Variants in SYNDIG1 observed in about 807,000 individuals in gnomAD.
SYNDIG1 encodes synapse differentiation inducing 1.
A neutral mutation model predicts 19.4 loss-of-function variants in SYNDIG1; 9 were observed. That is an observed-to-expected ratio of 0.46 (90% confidence interval 0.28 to 0.81). SYNDIG1 has a LOEUF of 0.81. Among genes scored for constraint, SYNDIG1 ranks in the 30% least tolerant of loss-of-function variants. The pLI is 0.12. For missense variants in SYNDIG1, 311 were observed against 343.3 expected, an observed-to-expected ratio of 0.91 and a Z score of 0.74; for synonymous variants, 141 against 145.9, an observed-to-expected ratio of 0.97 and a Z score of 0.24.
At chr20:24,542,939 T>A in intron 1 of SYNDIG1, 81 bp from the exon 2 acceptor site, 2 of 1,099,998 alleles carry the variant, frequency 1.8e-6, no homozygotes, top group South Asian at 3.1e-5. Context: ...GCTGGTACAG[T>A]CTGAAACAAT....
At chr20:24,656,488 C>T (rs2057001080) in intron 3 of SYNDIG1, among the ~76,000 whole-genome samples, 1 of 152,198 alleles carries the variant, frequency 6.6e-6, no homozygotes, top group African/African-American at 2.4e-5. Context: ...TGAGGAGGGC[C>T]AGGAGGCGTT....
intron 3 of SYNDIG1, among the ~76,000 whole-genome samples, chr20:24,588,746 C>A (rs2058458762): frequency 6.6e-6 from 1 of 152,176 alleles, no homozygotes; most frequent in Non-Finnish European, 1.5e-5. Flanking sequence ...GAGGGATGCC[C>A]TGGGTTCTGA....
intron 2 of SYNDIG1, among the ~76,000 whole-genome samples, chr20:24,579,440 G>C (rs967561833): frequency 6.6e-6 from 1 of 152,200 alleles, no homozygotes; most frequent in African/African-American, 2.4e-5. Flanking sequence ...TCTGGTCTCT[G>C]TTTGAAAACT....
intron 2 of SYNDIG1, among the ~76,000 whole-genome samples, chr20:24,546,636 A>C (rs2057583038): frequency 6.6e-6 from 1 of 152,202 alleles, no homozygotes; most frequent in Non-Finnish European, 1.5e-5. Context: ...TGTGTCCTGC[A>C]TGTTACTATC....
chr20:24,541,201 T>C (rs2057461363), intron 1 of SYNDIG1, among the ~76,000 whole-genome samples: 1 of 152,242 alleles, frequency 6.6e-6, no homozygotes, highest in Non-Finnish European at 1.5e-5. Flanking sequence ...TCTGGCCTCG[T>C]GACTTTTAGT....
chr20:24,574,164 C>G (rs1411464780), intron 2 of SYNDIG1, among the ~76,000 whole-genome samples: 1 of 152,072 alleles, frequency 6.6e-6, no homozygotes, highest in African/African-American at 2.4e-5. Flanking sequence ...AGCTCTGCTG[C>G]AAGGAGCCAG....
Position 24,497,084 on chromosome 20 carries a change from T to C in SYNDIG1, c.-79+27331T>C, listed in dbSNP as rs576673950. Reference sequence around the variant, plus strand: ...ATAGAATTTTATCAGAATTTTATTCTTCTGTTCTTACATATTTGAAATGAG... The same window carrying C: ...ATAGAATTTTATCAGAATTTTATTCCTCTGTTCTTACATATTTGAAATGAG... On this transcript the variant is annotated intron_variant, in intron 1 of 3. Coordinates refer to ENST00000376862, the MANE Select transcript of SYNDIG1 (RefSeq NM_024893.3). Among the ~76,000 whole-genome samples, 3 of 152,348 alleles carry C rather than the reference T, an allele frequency of 2.0e-5. 1 individual carries two copies. The highest frequency in any genetic ancestry group is 7.2e-5 in the African/African-American group (3 of 41,584).
chr20:24,525,743 G>T (rs567240473), intron 1 of SYNDIG1, among the ~76,000 whole-genome samples: 3 of 152,238 alleles, frequency 2.0e-5, no homozygotes, highest in South Asian at 2.1e-4. Flanking sequence ...GTGCATTTTT[G>T]ATCAAAATTA....
chr20:24,648,799 G>C (rs1432526301), intron 3 of SYNDIG1, among the ~76,000 whole-genome samples: 2 of 152,258 alleles, frequency 1.3e-5, no homozygotes, highest in Non-Finnish European at 1.5e-5. Context: ...CATTTCAGCA[G>C]TCAGCATTGG....
chr20:24,484,621 G>A (rs1367508775), intron 1 of SYNDIG1, among the ~76,000 whole-genome samples: 7 of 152,234 alleles, frequency 4.6e-5, no homozygotes, highest in Middle Eastern at 3.4e-3. Flanking sequence ...GATGTGGGAT[G>A]GGAAGTAGTG....
At chr20:24,629,856 A>G (rs1340918164) in intron 3 of SYNDIG1, among the ~76,000 whole-genome samples, 1 of 152,180 alleles carries the variant, frequency 6.6e-6, no homozygotes, top group Non-Finnish European at 1.5e-5. Flanking sequence ...CGGAACTGAG[A>G]TATTATCAGC....
At chr20:24,663,230 T>C (rs1177333283) in intron 3 of SYNDIG1, among the ~76,000 whole-genome samples, 1 of 152,224 alleles carries the variant, frequency 6.6e-6, no homozygotes, top group Admixed American at 6.5e-5. Flanking sequence ...CTGTTTGCTG[T>C]TTCTGACATA....
In SYNDIG1 at chr20:24,609,959, C is replaced by T. The variant is rs61313692; in HGVS notation, c.618+24966C>T. On this transcript the variant is annotated intron_variant, in intron 3 of 3. Coordinates refer to ENST00000376862, the MANE Select transcript of SYNDIG1 (RefSeq NM_024893.3). ...TCCCTATGTTCCCAGGCCCATCCCA[C>T]GTGCAACACTGCTCACCACCACCAC... Among the ~76,000 whole-genome samples the T allele has an allele frequency of 7.4e-3, 1,131 of 152,216 alleles. 17 individuals carry two copies. The highest frequency in any genetic ancestry group is 0.026 in the African/African-American group (1,069 of 41,536).
intron 3 of SYNDIG1, among the ~76,000 whole-genome samples, chr20:24,589,684 T>C (rs2058475738): frequency 6.6e-6 from 1 of 152,292 alleles, no homozygotes; most frequent in Non-Finnish European, 1.5e-5. Context: ...GCATTTATTA[T>C]GTCTTGATCT....
rs371963998 is a variant in SYNDIG1 at position 24,486,659 on chromosome 20, A to AT, written c.-79+16916dup. Among the ~76,000 whole-genome samples, 641 of 146,062 alleles carry AT rather than the reference A, an allele frequency of 4.4e-3. 2 individuals are homozygous for AT. Among genetic ancestry groups the AT allele is most frequent in the African/African-American group, 9.5e-3 (380 of 40,044 alleles). ...TTTCATTTATTTATTTATTTATTTA[A>AT]TTTTTTTTTTGTTTTTTTGTGATGG... is the stretch of plus-strand genomic sequence containing the variant. On this transcript the variant is annotated intron_variant, in intron 1 of 3. Transcript: ENST00000376862.
chr20:24,589,244 G>C (rs937223652), intron 3 of SYNDIG1, among the ~76,000 whole-genome samples: 7 of 152,082 alleles, frequency 4.6e-5, no homozygotes, highest in Admixed American at 1.3e-4. Context: ...TCCAGAAGGT[G>C]GAAAATTATT....
chr20:24,646,780 C>T (rs1380800426), intron 3 of SYNDIG1, among the ~76,000 whole-genome samples: 1 of 152,078 alleles, frequency 6.6e-6, no homozygotes, highest in Non-Finnish European at 1.5e-5. Flanking sequence ...CACCAACACT[C>T]CCAGCTAATT....
At chr20:24,621,815 A>G (rs888906297) in intron 3 of SYNDIG1, among the ~76,000 whole-genome samples, 5 of 152,224 alleles carry the variant, frequency 3.3e-5, no homozygotes, top group African/African-American at 7.2e-5. Context: ...GGTGCCATAT[A>G]TAAGGGAATC....
At chr20:24,580,167 C>A (rs1382598638) in intron 2 of SYNDIG1, among the ~76,000 whole-genome samples, 1 of 152,192 alleles carries the variant, frequency 6.6e-6, no homozygotes, top group Non-Finnish European at 1.5e-5. Context: ...GAAGAGGATT[C>A]TTTAAGACAG....
Sources: allele counts gnomAD v4.1 joint callset (sites outside exome capture counted in the v4.1 genomes callset), GRCh38; gene constraint gnomAD v4.1.1; transcripts MANE v1.5; gene names NCBI Gene and HGNC (gene_info 2026-07-23, HGNC 2026-07-21).